The following FRMD4B variants were observed in gnomAD, a reference collection of about 807,000 sequenced individuals.
FRMD4B encodes FERM domain containing 4B.
A neutral mutation model predicts 141.5 loss-of-function variants in FRMD4B; 74 were observed. That is an observed-to-expected ratio of 0.52 (90% CI 0.43 to 0.63). FRMD4B has a LOEUF of 0.63. Ranked by LOEUF, FRMD4B falls within the 30% of genes least tolerant of loss-of-function variation. The pLI, the probability that FRMD4B is intolerant of heterozygous loss-of-function variation, is 0.00. For missense variants in FRMD4B, 1,366 were observed against 1,253.4 expected (o/e 1.09, Z -1.36); for synonymous variants, 506 against 467.9 (o/e 1.08, Z -1.05).
rs1273229208 is a variant in FRMD4B, at chr3:69,375,535, G to T, written c.162+10293C>A. Among the ~76,000 whole-genome samples the T allele has an allele frequency of 2.0e-5, 3 of 152,114 alleles. No individual in the cohort carries two copies. The South Asian group carries it at 6.2e-4, about 31-fold the overall frequency. On this transcript the variant is annotated intron_variant, in intron 1 of 22. Coordinates refer to ENST00000398540, the MANE Select transcript of FRMD4B (RefSeq NM_015123.3). The stretch of plus-strand genomic sequence containing the variant: ...ACATAACCAGTAAAAGGTGAGTTAC[G>T]ATTTGAATTCAGGCGGTTTGAGTTC...
intron 22 of FRMD4B, among the ~76,000 whole-genome samples, chr3:69,174,174 A>G (rs766022656): frequency 6.6e-6 from 1 of 151,894 alleles, no homozygotes; most frequent in Non-Finnish European, 1.5e-5. Flanking sequence ...GTACTTTTAT[A>G]AAAAAAAGAA....
chr3:69,484,794 C>T (rs1706186169), intron 1 of FRMD4B, among the ~76,000 whole-genome samples: 1 of 152,100 alleles, frequency 6.6e-6, no homozygotes, highest in Admixed American at 6.5e-5. Flanking sequence ...CTGACCTCTG[C>T]CCTGCTCTGG....
At chr3:69,437,721 T>A (rs186092435) in intron 1 of FRMD4B, among the ~76,000 whole-genome samples, 2 of 130,730 alleles carry the variant, frequency 1.5e-5, no homozygotes, top group Admixed American at 1.6e-4. Flanking sequence ...ATAATATATA[T>A]AAATACATAT....
chr3:69,181,769 GAA>G, intron 20 of FRMD4B, 59 bp from the exon 21 acceptor site: 1 of 1,044,288 alleles, frequency 9.6e-7, no homozygotes, highest in Non-Finnish European at 1.4e-6. Flanking sequence ...ACCCAAATAA[GAA>G]AAAAGAATAG....
chr3:69,216,621 G>C (rs546159171), intron 10 of FRMD4B, among the ~76,000 whole-genome samples: 34 of 151,726 alleles, frequency 2.2e-4, no homozygotes, highest in African/African-American at 6.5e-4. Flanking sequence ...TAGTAGAGAC[G>C]GGGTTTCACT....
At chr3:69,233,630 A>G (rs1374434456) in intron 7 of FRMD4B, among the ~76,000 whole-genome samples, 3 of 152,214 alleles carry the variant, frequency 2.0e-5, no homozygotes, top group East Asian at 1.9e-4. Context: ...AGTAAAGTCT[A>G]AAGCCTGTTA....
intron 1 of FRMD4B, chr3:69,377,000 G>A (rs1383481707): frequency 3.9e-5 from 6 of 151,986 alleles, no homozygotes; most frequent in African/African-American, 1.2e-4. Flanking sequence ...CGGAGAGTCC[G>A]TTCTTGATGC....
chr3:69,465,681 G>A (rs775413850), intron 1 of FRMD4B, among the ~76,000 whole-genome samples: 3 of 152,052 alleles, frequency 2.0e-5, no homozygotes, highest in East Asian at 1.9e-4. Context: ...GAGAATGATG[G>A]TTTCCAGCTT....
intron 1 of FRMD4B, among the ~76,000 whole-genome samples, chr3:69,470,979 C>G (rs1705879205): frequency 1.3e-5 from 2 of 152,202 alleles, no homozygotes; most frequent in Non-Finnish European, 2.9e-5. Context: ...ATACTGTCCA[C>G]CTAGGTAGTT....
intron 5 of FRMD4B, among the ~76,000 whole-genome samples, chr3:69,268,851 A>G (rs942059046): frequency 6.6e-6 from 1 of 151,736 alleles, no homozygotes; most frequent in Non-Finnish European, 1.5e-5. Context: ...AGGGAATACC[A>G]TGTTTAAAAT....
chr3:69,265,265 AAAAAATATATATATAT>A (rs1383710009), intron 5 of FRMD4B, among the ~76,000 whole-genome samples: 7 of 17,978 alleles, frequency 3.9e-4, no homozygotes, highest in African/African-American at 7.1e-4. Context: ...AAAAAAAAAA[AAAAAATATATATATAT>A]ATATATATAT....
chr3:69,457,309 G>C (rs1705636253), intron 1 of FRMD4B, among the ~76,000 whole-genome samples: 2 of 152,126 alleles, frequency 1.3e-5, no homozygotes, highest in African/African-American at 4.8e-5. Flanking sequence ...GCTGTATCTG[G>C]GTAAGGGAAC....
At chr3:69,363,418 C>G (rs1405422688) in intron 1 of FRMD4B, among the ~76,000 whole-genome samples, 1 of 138,368 alleles carries the variant, frequency 7.2e-6, no homozygotes, top group Admixed American at 7.6e-5. Flanking sequence ...GAGACGGAGT[C>G]TTGCTCTGTT....
chr3:69,344,681 C>G (rs576855058), intron 1 of FRMD4B, among the ~76,000 whole-genome samples: 1 of 152,166 alleles, frequency 6.6e-6, no homozygotes, highest in African/African-American at 2.4e-5. Flanking sequence ...GATAAAGTTT[C>G]TCCTTTATAG....
At chr3:69,433,727 G>A (rs1705215380) in intron 1 of FRMD4B, among the ~76,000 whole-genome samples, 1 of 152,228 alleles carries the variant, frequency 6.6e-6, no homozygotes, top group African/African-American at 2.4e-5. Context: ...AGAAAAGGTT[G>A]AGAGTTTCCT....
intron 2 of FRMD4B, among the ~76,000 whole-genome samples, chr3:69,406,315 C>T (rs1024005487): frequency 6.6e-6 from 1 of 152,330 alleles, no homozygotes; most frequent in African/African-American, 2.4e-5. Flanking sequence ...CCAGCCGATA[C>T]TCACAGCTCA....
intron 1 of FRMD4B, among the ~76,000 whole-genome samples, chr3:69,314,561 C>G (rs568698174): frequency 6.7e-6 from 1 of 149,358 alleles, no homozygotes; most frequent in Non-Finnish European, 1.5e-5. Context: ...CAGCTGGGTA[C>G]AGTGGCTCAC....
chr3:69,393,319 T>C (rs112365204), intron 2 of FRMD4B, among the ~76,000 whole-genome samples: 4,318 of 101,394 alleles, frequency 0.043, 207 homozygotes, highest in African/African-American at 0.13. Flanking sequence ...CTATATTGTC[T>C]GAAGAAGTAC....
intron 1 of FRMD4B, among the ~76,000 whole-genome samples, chr3:69,540,656 T>TACACACACAC (rs1157143009): frequency 4.4e-4 from 33 of 75,538 alleles, no homozygotes; most frequent in Non-Finnish European, 5.9e-4. Flanking sequence ...TATATATATA[T>TACACACACAC]ATATACACAC....
Sources: allele counts gnomAD v4.1 joint callset (sites outside exome capture counted in the v4.1 genomes callset), GRCh38; gene constraint gnomAD v4.1.1; transcripts MANE v1.5; gene names NCBI Gene and HGNC (gene_info 2026-07-23, HGNC 2026-07-21).